The following AGR2 variants were observed in gnomAD, a reference collection of about 807,000 sequenced individuals.
AGR2 encodes anterior gradient 2, protein disulphide isomerase family member.
In AGR2, 27 loss-of-function variants were observed where a neutral mutation model predicts 25.9. The observed-to-expected ratio is 1.04, with a 90% CI of 0.77 to 1.44. The LOEUF (loss-of-function observed/expected upper bound fraction) is 1.44, where lower values mean the gene tolerates loss of function less well. AGR2 is among the 40% of genes most tolerant of loss of function. The pLI, the probability that AGR2 is intolerant of heterozygous loss-of-function variation, is 0.00. For synonymous variants in AGR2, 78 were observed against 72.0 expected (o/e 1.08, Z -0.42); for missense variants, 182 against 200.9 (o/e 0.91, Z 0.57).
chr7:16,801,901 G>A, intron 1 of AGR2, 98 bp from the exon 2 acceptor site: 1 of 1,045,746 alleles, frequency 9.6e-7, no homozygotes, highest in Non-Finnish European at 1.4e-6. Context: ...ACCAGAAACT[G>A]AGGCTCTGCT....
At chr7:16,803,590 A>G (rs1286191416) in intron 1 of AGR2, among the ~76,000 whole-genome samples, 1 of 152,216 alleles carries the variant, frequency 6.6e-6, no homozygotes, top group Non-Finnish European at 1.5e-5. Context: ...TAACTAATCC[A>G]TAGTATGTAA....
intron 1 of AGR2, among the ~76,000 whole-genome samples, chr7:16,802,540 A>C (rs1027917950): frequency 2.0e-5 from 3 of 152,224 alleles, no homozygotes; most frequent in African/African-American, 7.2e-5. Context: ...TGAATACTCT[A>C]TTGGAAGTAA....
chr7:16,799,618 T>C, intron 5 of AGR2, 126 bp downstream of exon 5: 1 of 576,166 alleles, frequency 1.7e-6, no homozygotes, highest in East Asian at 2.8e-5. Context: ...CTCTAATTTA[T>C]GAGATGGGAT....
intron 5 of AGR2, 86 bp from the exon 6 acceptor site, chr7:16,797,780 C>T (rs819010): frequency 0.6 from 658,435 of 1,093,898 alleles, 200,294 homozygotes; most frequent in African/African-American, 0.74. Context: ...TGTCCATTTC[C>T]GGCCAGGCAT....
At chr7:16,797,036 C>T (rs1055237083) in intron 6 of AGR2, among the ~76,000 whole-genome samples, 2 of 152,040 alleles carry the variant, frequency 1.3e-5, no homozygotes, top group African/African-American at 2.4e-5. Context: ...ATTCTTGTGC[C>T]TCAGCCTCCC....
At chr7:16,801,409 T>G in intron 2 of AGR2, 26 bp from the exon 3 acceptor site, 1 of 1,603,604 alleles carries the variant, frequency 6.2e-7, no homozygotes. Flanking sequence ...TCAGTATATT[T>G]GAAGCTTGTA....
intron 1 of AGR2, among the ~76,000 whole-genome samples, chr7:16,804,267 TACACACACACACACAC>T (rs113991647): frequency 1.9e-5 from 2 of 107,490 alleles, no homozygotes; most frequent in Non-Finnish European, 4.3e-5. Context: ...CAGACATAGG[TACACACACACACACAC>T]ACACACACAC....
At chr7:16,797,762 C>T in intron 5 of AGR2, 68 bp from the exon 6 acceptor site, 1 of 1,346,796 alleles carries the variant, frequency 7.4e-7, no homozygotes, top group South Asian at 1.2e-5. Context: ...CTTGTTAATA[C>T]AAGAATCTGT....
At chr7:16,797,762 C>G (rs1261890577) in intron 5 of AGR2, 68 bp from the exon 6 acceptor site, 92 of 1,346,676 alleles carry the variant, frequency 6.8e-5, no homozygotes, top group Non-Finnish European at 9.3e-5. Flanking sequence ...CTTGTTAATA[C>G]AAGAATCTGT....
chr7:16,795,698 A>C (rs1785033619), intron 6 of AGR2, among the ~76,000 whole-genome samples: 1 of 152,174 alleles, frequency 6.6e-6, no homozygotes, highest in East Asian at 1.9e-4. Context: ...AGGTGCATCC[A>C]AAAGGGAAGC....
chr7:16,798,853 C>T (rs1048347293), intron 5 of AGR2, among the ~76,000 whole-genome samples: 1 of 152,224 alleles, frequency 6.6e-6, no homozygotes, highest in South Asian at 2.1e-4. Context: ...ATTGGAAAAG[C>T]GCAAACCAAG....
At chr7:16,797,585 G>A in intron 6 of AGR2, 46 bp downstream of exon 6, 3 of 1,554,208 alleles carry the variant, frequency 1.9e-6, no homozygotes, top group Non-Finnish European at 2.7e-6. Context: ...GAGGATGGCA[G>A]CACTAGTATG....
In AGR2 at chr7:16,801,187, T is replaced by A; in HGVS notation, c.220A>T (p.Ile74Phe). The change falls in exon 4 of 8, where the codon ATT becomes TTT. Residue 74 changes from isoleucine (I) to phenylalanine (F), a missense_variant. Physicochemically the swap from Ile to Phe is conservative, Grantham distance 21 (BLOSUM62 0). Transcript: ENST00000419304. ...KSKTSNKPLM[I>F]IHHLDECPHS... ...GGGCACTCATCCAAGTGATGAATAATCATCAAGGGTTTGTTGCTTTAAAAG... is the reference window on the plus strand; with the variant it reads ...GGGCACTCATCCAAGTGATGAATAAACATCAAGGGTTTGTTGCTTTAAAAG... The A allele has an allele frequency of 3.1e-6, 5 of 1,613,980 alleles. No homozygotes were observed. The highest frequency in any genetic ancestry group is 4.2e-6 in the Non-Finnish European group (5 of 1,179,898).
At chr7:16,794,032 C>T (rs1380168751) in intron 7 of AGR2, among the ~76,000 whole-genome samples, 2 of 152,182 alleles carry the variant, frequency 1.3e-5, no homozygotes, top group Admixed American at 1.3e-4. Context: ...TTGGAATGTG[C>T]TTCCCCTGGT....
At chr7:16,794,571 GTTAT>G (rs993901022) in intron 7 of AGR2, 12 of 426,424 alleles carry the variant, frequency 2.8e-5, no homozygotes, top group Admixed American at 2.8e-4. Flanking sequence ...TTTCACTTTT[GTTAT>G]TTAAAAAATT....
chr7:16,798,578 C>T (rs1022063676), intron 5 of AGR2, among the ~76,000 whole-genome samples: 2 of 152,176 alleles, frequency 1.3e-5, no homozygotes, highest in Non-Finnish European at 2.9e-5. Flanking sequence ...CCAGTTTGGT[C>T]TGTAAAGCAA....
intron 6 of AGR2, among the ~76,000 whole-genome samples, chr7:16,795,360 A>C (rs775134326): frequency 2.6e-5 from 4 of 151,118 alleles, no homozygotes; most frequent in Non-Finnish European, 4.4e-5. Context: ...TCTCTACTGC[A>C]AAATTATTTT....
At chr7:16,792,991 C>A in intron 7 of AGR2, 34 bp from the exon 8 acceptor site, 2 of 1,591,192 alleles carry the variant, frequency 1.3e-6, no homozygotes, top group South Asian at 2.2e-5. Context: ...AGTCAAGACA[C>A]CATCGTGCGT....
chr7:16,804,150 C>G (rs1785195599), intron 1 of AGR2, among the ~76,000 whole-genome samples: 1 of 152,064 alleles, frequency 6.6e-6, no homozygotes, highest in African/African-American at 2.4e-5. Flanking sequence ...CTGAGATTCA[C>G]TCCACTGAGT....
Sources: gnomAD v4.1 joint callset for allele counts (sites outside exome capture counted in the v4.1 genomes callset) on GRCh38, gnomAD v4.1.1 for gene constraint, MANE v1.5 for transcripts, NCBI Gene and HGNC (gene_info 2026-07-23, HGNC 2026-07-21) for gene names.